KCNK3: variants seen among roughly 807,000 people sequenced by gnomAD.
The protein encoded by KCNK3 is potassium two pore domain channel subfamily K member 3, also known as potassium channel subfamily K member 3.
Under a neutral mutation model 27.3 loss-of-function variants are expected in KCNK3, and 9 were observed. That is an observed-to-expected ratio of 0.33 (90% confidence interval 0.20 to 0.57). The LOEUF is 0.57. Ranked by LOEUF, KCNK3 falls within the 20% of genes least tolerant of loss-of-function variation. The pLI, the probability that KCNK3 is intolerant of heterozygous loss-of-function variation, is 0.87. For synonymous variants in KCNK3, 278 were observed against 273.8 expected, an observed-to-expected ratio of 1.02 and a Z score of -0.15; for missense variants, 391 against 577.7, an observed-to-expected ratio of 0.68 and a Z score of 3.31.
chr2:26,727,671 C>T lies in KCNK3; in HGVS notation c.288C>T (p.Tyr96=), dbSNP rs747452070. Residue 96 remains tyrosine (Y), a synonymous_variant, in exon 2 of 2, where the codon TAC becomes TAT. Transcript: ENST00000302909. ...CTCTTTCCCACTTTCCCCCAGGCTA[C>T]GGGCACGCGGCACCCAGCACGGATG... The part of the protein sequence containing the change: ...FAITVITTIG[Y]GHAAPSTDGG... The T allele has an allele frequency of 7.3e-6, 11 of 1,513,560 alleles. No homozygotes were observed. Among genetic ancestry groups the T allele is most frequent in the South Asian group, 5.3e-5 (4 of 74,796 alleles). The allele number at this position is 1,513,560 out of a possible 1,614,324, so 93.8% of individuals were successfully genotyped here. A position where few individuals can be genotyped will look rare whatever the true frequency, so the allele number is the denominator to read the frequency against.
chr2:26,699,351 C>T (rs892182039), intron 1 of KCNK3, among the ~76,000 whole-genome samples: 2 of 152,100 alleles, frequency 1.3e-5, no homozygotes, highest in Admixed American at 1.3e-4. Flanking sequence ...CTGCAGGTCC[C>T]GTTTCCACGC....
intron 1 of KCNK3, among the ~76,000 whole-genome samples, chr2:26,720,657 T>A (rs915056588): frequency 6.7e-6 from 1 of 150,156 alleles, no homozygotes; most frequent in Admixed American, 6.6e-5. Flanking sequence ...GAGACAGCAG[T>A]GGGCCCAAGA....
intron 1 of KCNK3, among the ~76,000 whole-genome samples, chr2:26,713,971 G>T (rs1663178764): frequency 6.6e-6 from 1 of 151,764 alleles, no homozygotes; most frequent in South Asian, 2.1e-4. Flanking sequence ...AGCTACTCTG[G>T]AGGCTGAGGC....
chr2:26,705,927 C>A (rs553436247), intron 1 of KCNK3, among the ~76,000 whole-genome samples: 1 of 152,120 alleles, frequency 6.6e-6, no homozygotes, highest in African/African-American at 2.4e-5. Context: ...AGGTTACCCC[C>A]GTAGCAGCAG....
rs149731902 is a variant in KCNK3, at chr2:26,697,550, C to G, written c.283+4392C>G. On this transcript the variant is annotated intron_variant, in intron 1 of 1. Transcript: ENST00000302909. ...CCCCAGAAGCAGGGGGCTTCCTGCT[C>G]GAGCACACTCCAGTCAGGCCTGCTG... Among the ~76,000 whole-genome samples, 674 of 152,250 alleles carry G rather than the reference C, an allele frequency of 4.4e-3. 6 individuals carry two copies. The highest frequency in any genetic ancestry group is 0.015 in the African/African-American group (642 of 41,542).
In KCNK3 at chr2:26,728,208, G is replaced by A. The variant is rs1390652918; in HGVS notation, c.825G>A (p.Gly275=). 12 of 1,562,568 alleles carry A rather than the reference G, an allele frequency of 7.7e-6. No individual in the cohort carries two copies. The highest frequency in any genetic ancestry group is 1.0e-5 in the Non-Finnish European group (12 of 1,153,820). Residue 275 remains glycine (G), a synonymous_variant, in exon 2 of 2, where the codon GGG becomes GGA. Transcript: ENST00000302909. ...TRNGQAGGGG[G]GGSAHTTDTA... is the part of the protein sequence containing the mutation. The stretch of plus-strand genomic sequence containing the variant: ...ACGGGCAGGCGGGCGGCGGCGGAGG[G>A]GGTGGCAGCGCGCACACTACGGACA...
At chr2:26,694,771 T>C (rs1419145646) in intron 1 of KCNK3, among the ~76,000 whole-genome samples, 1 of 152,190 alleles carries the variant, frequency 6.6e-6, no homozygotes, top group Non-Finnish European at 1.5e-5. Flanking sequence ...TTTCAGTAGC[T>C]GTTTAGCTGT....
intron 1 of KCNK3, among the ~76,000 whole-genome samples, chr2:26,723,901 G>T (rs1355670775): frequency 1.3e-5 from 2 of 152,228 alleles, no homozygotes; most frequent in East Asian, 1.9e-4. Context: ...GCGAGAGAGG[G>T]TCCTCAGAGA....
At position 26,728,443 on chromosome 2, in the gene KCNK3, AG is replaced by A; in HGVS notation, c.1061del (p.Ser354ThrfsTer35). ...GTCGCCGGGAGGGGGCGGCCGCTAC[AG>A]CGACACGCCCTCGCGACGCTGCCTG... Reference protein sequence around the residue: ...HSSPGGGGRYSDTPSRRCLCS... With the variant: ...HSSPGGGGRYXDTPSRRCLCS... On this transcript the variant is annotated frameshift_variant, in exon 2 of 2. Coordinates refer to ENST00000302909, the MANE Select transcript of KCNK3 (RefSeq NM_002246.3). LOFTEE classifies it high-confidence loss of function. 6.3e-7 allele frequency: 1 copy of A among 1,587,354 alleles called. No homozygotes were observed. Among genetic ancestry groups the A allele is most frequent in the Non-Finnish European group, 8.6e-7 (1 of 1,163,838 alleles).
rs1004451965 is a variant in KCNK3, at chr2:26,721,560, G to A, written c.284-6107G>A. Among the ~76,000 whole-genome samples the A allele has an allele frequency of 1.3e-5, 2 of 152,288 alleles. No homozygotes were observed. Among genetic ancestry groups the A allele is most frequent in the East Asian group, 1.9e-4 (1 of 5,170 alleles). ...GCGGCTCCATGTCTGTGCCTCAGGC[G>A]CCTGAGCTGGTTCCTCGTGGGCCCT... On this transcript the variant is annotated intron_variant, in intron 1 of 1. Transcript: ENST00000302909. This position sits in a 1 kb window ranked among gnomAD's most constrained non-coding sequence, Gnocchi z 4.3.
At chr2:26,713,556 G>GCTTTGGGA (rs1351279020) in intron 1 of KCNK3, among the ~76,000 whole-genome samples, 18 of 152,220 alleles carry the variant, frequency 1.2e-4, no homozygotes, top group Admixed American at 2.0e-4. Flanking sequence ...GAGGCGGGCG[G>GCTTTGGGA]ATCCCCTGAG....
At chr2:26,724,946 C>T (rs1052585116) in intron 1 of KCNK3, among the ~76,000 whole-genome samples, 6 of 151,784 alleles carry the variant, frequency 4.0e-5, no homozygotes, top group African/African-American at 9.7e-5. Context: ...CTGGGGTGGC[C>T]GCAGGGTATA....
At chr2:26,704,022 G>C (rs1213393027) in intron 1 of KCNK3, among the ~76,000 whole-genome samples, 1 of 152,152 alleles carries the variant, frequency 6.6e-6, no homozygotes, top group Non-Finnish European at 1.5e-5. Flanking sequence ...CCTGAGTCCT[G>C]ACCAGTGAAT....
Position 26,732,686 on chromosome 2 carries a change from C to G in KCNK3, c.*4118C>G, listed in dbSNP as rs983179156. Reference sequence around the variant, plus strand: ...ACTCCTAAGGCCACCACATCAAAATCTGAGGCTTACTGCCCTGTCCCACCT... The same window carrying G: ...ACTCCTAAGGCCACCACATCAAAATGTGAGGCTTACTGCCCTGTCCCACCT... On this transcript the variant is annotated 3_prime_UTR_variant, in exon 2 of 2. Coordinates refer to ENST00000302909, the MANE Select transcript of KCNK3 (RefSeq NM_002246.3). 1 of 152,290 alleles carries G rather than the reference C, an allele frequency of 6.6e-6. No individual in the cohort carries two copies. Among genetic ancestry groups the G allele is most frequent in the African/African-American group, 2.4e-5 (1 of 41,472 alleles). 9.4% of individuals were successfully genotyped at this position (152,290 alleles called of 1,614,324 possible).
chr2:26,705,107 G>A (rs1051138036), intron 1 of KCNK3, among the ~76,000 whole-genome samples: 1 of 152,082 alleles, frequency 6.6e-6, no homozygotes, highest in Admixed American at 6.5e-5. Context: ...TGGAATCACA[G>A]GCATGTGCCA....
chr2:26,707,936 G>A lies in KCNK3; in HGVS notation c.283+14778G>A, dbSNP rs888626015. On this transcript the variant is annotated intron_variant, in intron 1 of 1. Coordinates refer to ENST00000302909, the MANE Select transcript of KCNK3 (RefSeq NM_002246.3). ...CTTTCCACTCCCCTCAGGCACCCAC[G>A]CAGTCATTCCTCCACCCACTCGGCC... 4.6e-5 allele frequency among the ~76,000 whole-genome samples: 7 copies of A among 152,224 alleles called. No individual in the cohort carries two copies. In the East Asian group the frequency reaches 9.7e-4, roughly 21 times the overall value.
chr2:26,696,429 C>T (rs2148253488), intron 1 of KCNK3, among the ~76,000 whole-genome samples: 1 of 152,346 alleles, frequency 6.6e-6, no homozygotes, highest in South Asian at 2.1e-4. Context: ...TGCTATGAAG[C>T]TCAGACCCAG....
At position 26,730,663 on chromosome 2, in the gene KCNK3, G is replaced by T. The variant is rs1474413070; in HGVS notation, c.*2095G>T. 6.6e-6 allele frequency: 1 copy of T among 152,268 alleles called. No individual in the cohort carries two copies. Among genetic ancestry groups the T allele is most frequent in the Non-Finnish European group, 1.5e-5 (1 of 68,110 alleles). The allele number at this position is 152,268 out of a possible 1,614,324, so 9.4% of individuals were successfully genotyped here. A position where few individuals can be genotyped will look rare whatever the true frequency, so the allele number is the denominator to read the frequency against. ...TGTCCTCTAGTCTCTGGGGACCCCT[G>T]GGGGGAAGAAGTCTACCCTGCTTGT... On this transcript the variant is annotated 3_prime_UTR_variant, in exon 2 of 2. Transcript: ENST00000302909.
chr2:26,693,158 G>C lies in KCNK3; in HGVS notation c.283G>C (p.Gly95Arg). The change falls in exon 1 of 2, where the codon GGC becomes CGC. Residue 95 changes from glycine to arginine, a missense_variant and splice_region_variant. Gly to Arg is a moderately radical substitution (Grantham distance 125). Coordinates refer to ENST00000302909, the MANE Select transcript of KCNK3 (RefSeq NM_002246.3). This position sits in a 1 kb window ranked among gnomAD's most constrained non-coding sequence, Gnocchi z 5.5. ...CGCCATCACCGTCATCACCACCATC[G>C]GTAACGGCTCGCCGGGCGGGGGGCG... ...YFAITVITTI[G>R]YGHAAPSTDG... 2 of 1,522,036 alleles carry C rather than the reference G, an allele frequency of 1.3e-6. No individual in the cohort carries two copies. The highest frequency in any genetic ancestry group is 1.8e-6 in the Non-Finnish European group (2 of 1,127,344). The allele number at this position is 1,522,036 out of a possible 1,614,324, so 94.3% of individuals were successfully genotyped here.
Sources: gnomAD v4.1 joint callset for allele counts (sites outside exome capture counted in the v4.1 genomes callset) on GRCh38, gnomAD v4.1.1 for gene constraint, Gnocchi (gnomAD v3.1) non-coding constraint, MANE v1.5 for transcripts, NCBI Gene and HGNC (gene_info 2026-07-23, HGNC 2026-07-21) for gene names.